CAMKMT: variants seen among roughly 807,000 people sequenced by gnomAD.
The protein encoded by CAMKMT is calmodulin-lysine N-methyltransferase.
Under a neutral mutation model 48.0 loss-of-function variants are expected in CAMKMT, and 53 were observed. That is an observed-to-expected ratio of 1.10 (90% CI 0.89 to 1.39). The LOEUF (loss-of-function observed/expected upper bound fraction) is 1.39, where lower values mean the gene tolerates loss of function less well. Among genes scored for constraint, CAMKMT ranks in the 40% most tolerant of loss-of-function variants. The pLI is 0.00. For synonymous variants in CAMKMT, 165 were observed against 152.3 expected, an observed-to-expected ratio of 1.08 and a Z score of -0.61; for missense variants, 428 against 402.7, an observed-to-expected ratio of 1.06 and a Z score of -0.54.
At chr2:44,455,731 T>C (rs781616430) in intron 3 of CAMKMT, among the ~76,000 whole-genome samples, 2 of 152,210 alleles carry the variant, frequency 1.3e-5, no homozygotes, top group Non-Finnish European at 2.9e-5. Flanking sequence ...CCAGGGTTAG[T>C]ATAAGGATCA....
intron 3 of CAMKMT, among the ~76,000 whole-genome samples, chr2:44,402,254 G>A (rs145952950): frequency 0.029 from 4,330 of 149,790 alleles, 103 homozygotes; most frequent in Middle Eastern, 0.048. Flanking sequence ...GCTTGAACCC[G>A]GGAGGCAGAG....
chr2:44,493,058 T>A (rs1669588030), intron 3 of CAMKMT, among the ~76,000 whole-genome samples: 1 of 151,904 alleles, frequency 6.6e-6, no homozygotes, highest in African/African-American at 2.4e-5. Flanking sequence ...CATGCCCAGC[T>A]AATTTTTGTA....
At chr2:44,472,459 A>T (rs1558641636) in intron 3 of CAMKMT, among the ~76,000 whole-genome samples, 1 of 152,220 alleles carries the variant, frequency 6.6e-6, no homozygotes, top group Non-Finnish European at 1.5e-5. Context: ...GGCTCAATCT[A>T]ATAACTTGTC....
chr2:44,426,774 A>G (rs1684305124), intron 3 of CAMKMT, among the ~76,000 whole-genome samples: 1 of 152,216 alleles, frequency 6.6e-6, no homozygotes, highest in Admixed American at 6.5e-5. Context: ...ATTCAATGCT[A>G]TTTCTATGAA....
intron 3 of CAMKMT, among the ~76,000 whole-genome samples, chr2:44,638,998 C>T (rs544652645): frequency 1.7e-4 from 26 of 152,242 alleles, no homozygotes; most frequent in Admixed American, 5.2e-4. Context: ...TGGTTTGTGC[C>T]ACAGCAGGTT....
intron 3 of CAMKMT, among the ~76,000 whole-genome samples, chr2:44,577,868 C>T (rs952794212): frequency 5.9e-5 from 9 of 152,124 alleles, no homozygotes; most frequent in East Asian, 3.9e-4. Context: ...TTTTACACCC[C>T]GCTTGTATCT....
At chr2:44,738,733 T>G (rs1045556366) in intron 7 of CAMKMT, among the ~76,000 whole-genome samples, 1 of 152,136 alleles carries the variant, frequency 6.6e-6, no homozygotes, top group South Asian at 2.1e-4. Context: ...TATTGCACAT[T>G]AAAGGGTAAT....
At chr2:44,446,595 C>T (rs570173259) in intron 3 of CAMKMT, among the ~76,000 whole-genome samples, 162 of 152,306 alleles carry the variant, frequency 1.1e-3, no homozygotes, top group African/African-American at 3.8e-3. Context: ...ATCCACCCAC[C>T]TCTGCCTCCC....
In CAMKMT at chr2:44,388,306, C is replaced by T. The variant is rs547352848; in HGVS notation, c.312-1935C>T. ...TATTCAATTCTATTGTTGAGACTTT[C>T]CAGAGCATTTCACATTTCTAAAAGT... On this transcript the variant is annotated intron_variant, in intron 2 of 10. Transcript: ENST00000378494. Among the ~76,000 whole-genome samples the T allele has an allele frequency of 1.4e-4, 21 of 152,248 alleles. 1 individual carries two copies. The South Asian group carries it at 4.4e-3, about 32-fold the overall frequency.
intron 8 of CAMKMT, among the ~76,000 whole-genome samples, chr2:44,744,793 AG>A (rs1186927980): frequency 6.6e-6 from 1 of 151,868 alleles, no homozygotes; most frequent in Non-Finnish European, 1.5e-5. Context: ...TTTTTTCTTC[AG>A]AAAAAAAAAC....
rs765992871 is a variant in CAMKMT, at chr2:44,449,540, A to G, written c.376+59235A>G. ...GATCTCTTTCTTTTTTCTCATTTCT[A>G]GATTAACCTTTTATCATGTCATATC... is the stretch of plus-strand genomic sequence containing the variant. On this transcript the variant is annotated intron_variant, in intron 3 of 10. Coordinates refer to ENST00000378494, the MANE Select transcript of CAMKMT (RefSeq NM_024766.5). 7.2e-5 allele frequency among the ~76,000 whole-genome samples: 11 copies of G among 152,118 alleles called. No individual in the cohort carries two copies. In the South Asian group the frequency reaches 1.7e-3, roughly 23 times the overall value.
intron 7 of CAMKMT, among the ~76,000 whole-genome samples, chr2:44,730,517 C>T (rs986935839): frequency 6.6e-6 from 1 of 152,218 alleles, no homozygotes; most frequent in African/African-American, 2.4e-5. Context: ...GCTTCAATAA[C>T]ATTTATAGAC....
chr2:44,404,385 G>A (rs557428972), intron 3 of CAMKMT, among the ~76,000 whole-genome samples: 4 of 151,806 alleles, frequency 2.6e-5, no homozygotes, highest in Non-Finnish European at 4.4e-5. Flanking sequence ...CTTTAGTAGG[G>A]GTGTTACTCG....
At chr2:44,724,828 G>A (rs984778684) in intron 7 of CAMKMT, among the ~76,000 whole-genome samples, 5 of 152,060 alleles carry the variant, frequency 3.3e-5, no homozygotes, top group East Asian at 3.9e-4. Context: ...AGCACATATC[G>A]GAGGTGGACA....
chr2:44,738,256 C>T (rs1679471509), intron 7 of CAMKMT, among the ~76,000 whole-genome samples: 2 of 152,184 alleles, frequency 1.3e-5, no homozygotes, highest in Non-Finnish European at 2.9e-5. Flanking sequence ...AAAGGTAGGG[C>T]TCATTTCATT....
intron 3 of CAMKMT, among the ~76,000 whole-genome samples, chr2:44,561,385 C>G (rs1391866172): frequency 1.3e-5 from 2 of 152,082 alleles, no homozygotes; most frequent in East Asian, 3.8e-4. Flanking sequence ...TCCACTTTTT[C>G]TTTCCTTCTT....
intron 3 of CAMKMT, among the ~76,000 whole-genome samples, chr2:44,484,458 C>G (rs978135089): frequency 1.3e-5 from 2 of 151,708 alleles, no homozygotes; most frequent in African/African-American, 4.8e-5. Context: ...ACATAGGTAG[C>G]ACTGCAAAAC....
chr2:44,471,831 C>T (rs1486993438), intron 3 of CAMKMT, among the ~76,000 whole-genome samples: 1 of 152,034 alleles, frequency 6.6e-6, no homozygotes, highest in African/African-American at 2.4e-5. Context: ...GAGGTGTGCA[C>T]CACCACGCCT....
chr2:44,504,038 G>A (rs1273953606), intron 3 of CAMKMT, among the ~76,000 whole-genome samples: 1 of 149,172 alleles, frequency 6.7e-6, no homozygotes, highest in Non-Finnish European at 1.5e-5. Context: ...AGAGAGAGTT[G>A]TCTCTTTTTG....
Sources: gnomAD v4.1 joint callset for allele counts (sites outside exome capture counted in the v4.1 genomes callset) on GRCh38, gnomAD v4.1.1 for gene constraint, MANE v1.5 for transcripts, NCBI Gene and HGNC (gene_info 2026-07-23, HGNC 2026-07-21) for gene names.